The following RYR3 variants were observed in gnomAD, a reference collection of about 807,000 sequenced individuals.
RYR3 encodes ryanodine receptor 3.
A neutral mutation model predicts 584.3 loss-of-function variants in RYR3; 207 were observed. The observed-to-expected ratio is 0.35, with a 90% CI of 0.32 to 0.40. The LOEUF is 0.40. Among genes scored for constraint, RYR3 ranks in the 10% least tolerant of loss-of-function variants. The probability of loss-of-function intolerance (pLI) is 1.00; values close to 1 mark genes in which losing one functional copy is unlikely to be tolerated. For missense variants in RYR3, 5,616 were observed against 6,089.2 expected (o/e 0.92, Z 2.59); for synonymous variants, 2,416 against 2,248.5 (o/e 1.07, Z -2.11).
intron 1 of RYR3, among the ~76,000 whole-genome samples, chr15:33,414,811 C>T (rs1301436561): frequency 6.6e-6 from 1 of 152,134 alleles, no homozygotes; most frequent in Non-Finnish European, 1.5e-5. Context: ...CCAGGATGGT[C>T]TTGATCTCCT....
chr15:33,483,114 G>C (rs982510588), intron 2 of RYR3, among the ~76,000 whole-genome samples: 2 of 152,092 alleles, frequency 1.3e-5, no homozygotes, highest in Middle Eastern at 3.4e-3. Flanking sequence ...AAAGTTTGCA[G>C]TTGTTTATTT....
intron 38 of RYR3, among the ~76,000 whole-genome samples, chr15:33,695,463 C>A (rs943828952): frequency 3.3e-5 from 5 of 152,144 alleles, no homozygotes; most frequent in Non-Finnish European, 5.9e-5. Flanking sequence ...CCAATAAATT[C>A]TGAATTCAAA....
rs192678701 is a variant in RYR3 at position 33,634,144 on chromosome 15, C to T, written c.3028-442C>T. 5.8e-4 allele frequency among the ~76,000 whole-genome samples: 88 copies of T among 152,158 alleles called. 1 individual carries two copies. In the East Asian group the frequency reaches 8.5e-3, roughly 15 times the overall value. ...TCAGCTCACTGCAACCTTCATCTCCCGGGTTCAAGTGATTCTCCTGCCTCA... is the reference window on the plus strand; with the variant it reads ...TCAGCTCACTGCAACCTTCATCTCCTGGGTTCAAGTGATTCTCCTGCCTCA... On this transcript the variant is annotated intron_variant, in intron 24 of 103. Transcript: ENST00000634891.
chr15:33,552,701 G>A (rs891236400), intron 10 of RYR3, among the ~76,000 whole-genome samples: 2 of 152,188 alleles, frequency 1.3e-5, no homozygotes, highest in Non-Finnish European at 2.9e-5. Context: ...CGTTGTGTGG[G>A]CAGGGCTTTG....
Position 33,339,922 on chromosome 15 carries a change from G to A in RYR3, c.51+28826G>A, listed in dbSNP as rs138824779. The stretch of plus-strand genomic sequence containing the variant: ...AAAAAAAATTGCCATTACCTTAGTC[G>A]TGGAACACCAAAGGAGGAATGTTTT... On this transcript the variant is annotated intron_variant, in intron 1 of 103. Transcript: ENST00000634891. 7.9e-5 allele frequency among the ~76,000 whole-genome samples: 12 copies of A among 151,798 alleles called. No homozygotes were observed. In the East Asian group the frequency reaches 2.1e-3, roughly 27 times the overall value.
At chr15:33,659,576 C>A (rs1747757032) in intron 32 of RYR3, 144 bp from the exon 33 acceptor site, 1 of 642,328 alleles carries the variant, frequency 1.6e-6, no homozygotes. Context: ...GATAACTGGT[C>A]TCTGCGAATT....
At position 33,834,944 on chromosome 15, in the gene RYR3, A is replaced by T. The variant is rs763973848; in HGVS notation, c.11464-24A>T. ...GAGCAACTTGTGATGTTTAAGTGAC[A>T]TAAGAATGTCCTCTTCTCTGCAGGG... On this transcript the variant is annotated intron_variant, in intron 86 of 103. Coordinates refer to ENST00000634891, the MANE Select transcript of RYR3 (RefSeq NM_001036.6). 7 of 1,600,944 alleles carry T rather than the reference A, an allele frequency of 4.4e-6. No homozygotes were observed. In the South Asian group the frequency reaches 7.7e-5, roughly 18 times the overall value.
chr15:33,480,226 C>T (rs1436997327), intron 2 of RYR3, among the ~76,000 whole-genome samples: 13 of 152,164 alleles, frequency 8.5e-5, no homozygotes, highest in Non-Finnish European at 4.4e-5. Context: ...AGTCAGACTG[C>T]CTGGACTGGT....
intron 1 of RYR3, among the ~76,000 whole-genome samples, chr15:33,385,679 T>G (rs1321896857): frequency 1.5e-5 from 1 of 67,418 alleles, no homozygotes; most frequent in Non-Finnish European, 3.4e-5. Context: ...TTCTGCCCCC[T>G]TTTTCTTTTC....
At chr15:33,318,589 T>C (rs971005707) in intron 1 of RYR3, among the ~76,000 whole-genome samples, 1 of 151,962 alleles carries the variant, frequency 6.6e-6, no homozygotes, top group East Asian at 1.9e-4. Flanking sequence ...GAACCTTGAG[T>C]AGGAAATATA....
intron 20 of RYR3, among the ~76,000 whole-genome samples, chr15:33,626,357 CTTTGAA>C (rs1417361380): frequency 6.6e-6 from 1 of 152,062 alleles, no homozygotes; most frequent in Non-Finnish European, 1.5e-5. Context: ...CATTTTGGAA[CTTTGAA>C]TTTGAGAGAG....
intron 1 of RYR3, among the ~76,000 whole-genome samples, chr15:33,368,207 C>T (rs11637208): frequency 0.056 from 8,516 of 152,188 alleles, 321 homozygotes; most frequent in Non-Finnish European, 0.087. Context: ...ACAACAACAA[C>T]AAAAACATCC....
intron 46 of RYR3, among the ~76,000 whole-genome samples, chr15:33,726,762 A>C (rs1341848147): frequency 6.6e-6 from 1 of 152,256 alleles, no homozygotes; most frequent in East Asian, 1.9e-4. Context: ...TCTGTGGTAT[A>C]AACTTTCTCA....
At chr15:33,595,111 G>A (rs1222810926) in intron 16 of RYR3, among the ~76,000 whole-genome samples, 5 of 152,150 alleles carry the variant, frequency 3.3e-5, no homozygotes, top group South Asian at 4.1e-4. Context: ...ATTTTGGAAA[G>A]TTTGTCAAAT....
chr15:33,864,253 G>T (rs370236091), intron 103 of RYR3, 64 bp downstream of exon 103: 2 of 1,281,630 alleles, frequency 1.6e-6, no homozygotes, highest in Non-Finnish European at 2.2e-6. Flanking sequence ...AGACTTAGTA[G>T]GGCATAGGTT....
intron 17 of RYR3, 129 bp from the exon 18 acceptor site, chr15:33,602,994 G>A: frequency 1.1e-6 from 1 of 952,214 alleles, no homozygotes; most frequent in Non-Finnish European, 1.6e-6. Context: ...CATCTTTTGA[G>A]CAATATGAAA....
chr15:33,349,833 G>A lies in RYR3; in HGVS notation c.51+38737G>A, dbSNP rs556371693. Among the ~76,000 whole-genome samples, 103 of 148,962 alleles carry A rather than the reference G, an allele frequency of 6.9e-4. 1 individual carries two copies. In the South Asian group the frequency reaches 0.017, roughly 24 times the overall value. On this transcript the variant is annotated intron_variant, in intron 1 of 103. Coordinates refer to ENST00000634891, the MANE Select transcript of RYR3 (RefSeq NM_001036.6). ...TTGTTCAATTCCCACCTATGAGTGA[G>A]AATATGCGGTGTTTGGTTTTTTGTT...
chr15:33,693,517 C>A (rs759826077), intron 38 of RYR3, among the ~76,000 whole-genome samples: 1 of 152,224 alleles, frequency 6.6e-6, no homozygotes, highest in Non-Finnish European at 1.5e-5. Context: ...AAAGGGAAAT[C>A]GAGAAGCATA....
chr15:33,795,515 C>T (rs967366343), intron 67 of RYR3, among the ~76,000 whole-genome samples: 16 of 151,464 alleles, frequency 1.1e-4, no homozygotes, highest in African/African-American at 3.9e-4. Context: ...CTGCCTCAGC[C>T]TCCCAAGTAG....
Sources: gnomAD v4.1 joint callset for allele counts (sites outside exome capture counted in the v4.1 genomes callset) on GRCh38, gnomAD v4.1.1 for gene constraint, MANE v1.5 for transcripts, NCBI Gene and HGNC (gene_info 2026-07-23, HGNC 2026-07-21) for gene names.